MOXD1: variants seen among roughly 807,000 people sequenced by gnomAD.
The protein encoded by MOXD1 is monooxygenase DBH like 1, also known as DBH-like monooxygenase protein 1.
Under a neutral mutation model 66.6 loss-of-function variants are expected in MOXD1, and 62 were observed. The ratio of observed to expected loss-of-function variants is 0.93; its 90% confidence interval spans 0.76 to 1.15. The LOEUF is 1.15. MOXD1 is among the 50% of genes most tolerant of loss of function. The pLI is 0.00. For synonymous variants in MOXD1, 303 were observed against 281.9 expected, an observed-to-expected ratio of 1.07 and a Z score of -0.75; for missense variants, 847 against 754.6, an observed-to-expected ratio of 1.12 and a Z score of -1.44.
At chr6:132,375,902 T>C (rs1306927641) in intron 1 of MOXD1, among the ~76,000 whole-genome samples, 7 of 152,230 alleles carry the variant, frequency 4.6e-5, no homozygotes, top group African/African-American at 1.4e-4. Context: ...ACCTATTTTA[T>C]AGATTTTGAA....
chr6:132,320,785 T>C (rs751470863), intron 8 of MOXD1, 97 bp from the exon 9 acceptor site: 1 of 981,570 alleles, frequency 1.0e-6, no homozygotes, highest in Non-Finnish European at 1.5e-6. Flanking sequence ...GCTGTATGAA[T>C]GGATGCGCCA....
chr6:132,341,160 A>G (rs1775553496), intron 4 of MOXD1, among the ~76,000 whole-genome samples: 2 of 152,192 alleles, frequency 1.3e-5, no homozygotes, highest in African/African-American at 2.4e-5. Flanking sequence ...ATTAAGAGGT[A>G]GGGTCTTTAA....
chr6:132,382,676 C>T (rs1336178755), intron 1 of MOXD1, among the ~76,000 whole-genome samples: 1 of 152,154 alleles, frequency 6.6e-6, no homozygotes, highest in Non-Finnish European at 1.5e-5. Flanking sequence ...CTTTTGAACA[C>T]TTCGTGCTTT....
At chr6:132,326,889 T>G (rs1473088690) in intron 6 of MOXD1, among the ~76,000 whole-genome samples, 4 of 152,220 alleles carry the variant, frequency 2.6e-5, no homozygotes, top group African/African-American at 9.6e-5. Flanking sequence ...ACGTGTCCTC[T>G]CTTCAAAATC....
intron 1 of MOXD1, among the ~76,000 whole-genome samples, chr6:132,394,010 C>T (rs1391010437): frequency 6.6e-6 from 1 of 152,210 alleles, no homozygotes; most frequent in Admixed American, 6.5e-5. Context: ...TACCCAGAAG[C>T]ATGATAACCT....
intron 4 of MOXD1, among the ~76,000 whole-genome samples, chr6:132,349,676 T>C (rs1775764446): frequency 1.3e-5 from 2 of 151,824 alleles, no homozygotes; most frequent in African/African-American, 4.8e-5. Flanking sequence ...GTTCTACTTT[T>C]AGTTCTTTAA....
At chr6:132,335,886 G>GT (rs1008981725) in intron 4 of MOXD1, among the ~76,000 whole-genome samples, 3 of 152,180 alleles carry the variant, frequency 2.0e-5, no homozygotes, top group South Asian at 2.1e-4. Context: ...AGCTAAATAG[G>GT]TTTTTTTATT....
In MOXD1 at chr6:132,297,788, G is replaced by A. The variant is rs748046713; in HGVS notation, c.1676C>T (p.Ser559Leu). 1.0e-4 allele frequency: 162 copies of A among 1,592,110 alleles called. No homozygotes were observed. Among genetic ancestry groups the A allele is most frequent in the Admixed American group, 2.8e-4 (15 of 54,108 alleles). ...TGTCAGAGGTTAAAAAGAGCTTACC[G>A]ACCACTCAGCATTGTCTGTCTTGGA... ...RCSKTDNAEW[S>L]IQGMTALPPD... is the part of the protein sequence containing the mutation. Residue 559 changes from serine (S) to leucine (L), a missense_variant and splice_region_variant, in exon 11 of 12, where the codon TCG (serine) becomes TTG (leucine). Physicochemically the swap from Ser to Leu is moderately radical, Grantham distance 145. Coordinates refer to ENST00000367963, the MANE Select transcript of MOXD1 (RefSeq NM_015529.4).
Position 132,328,581 on chromosome 6 carries a change from A to G in MOXD1, c.677T>C (p.Ile226Thr). ...KHHVIKVEPV[I>T]QRGHESLVHH... ...CACCAGACTCTCATGGCCTCTCTGT[A>G]TCACTGGCTCAACCTACACGAACAT... The change falls in exon 5 of 12, where the codon ATA becomes ACA. Residue 226 changes from isoleucine (I) to threonine (T), a missense_variant. Ile to Thr is a moderately conservative substitution (Grantham distance 89). Coordinates refer to ENST00000367963, the MANE Select transcript of MOXD1 (RefSeq NM_015529.4). The G allele has an allele frequency of 6.2e-7, 1 of 1,614,044 alleles. No individual in the cohort carries two copies.
intron 4 of MOXD1, among the ~76,000 whole-genome samples, chr6:132,344,587 C>A (rs191165632): frequency 6.6e-6 from 1 of 152,166 alleles, no homozygotes; most frequent in East Asian, 1.9e-4. Flanking sequence ...TCCCATTTGG[C>A]GCACATTCCT....
rs145813414 is a variant in MOXD1, at chr6:132,390,856, T to C, written c.264+10307A>G. The C allele has an allele frequency of 4.6e-5, 7 of 151,710 alleles. No individual in the cohort carries two copies. The East Asian group carries it at 1.2e-3, about 25-fold the overall frequency. 9.4% of individuals were successfully genotyped at this position (151,710 alleles called of 1,614,324 possible). ...ATAAAAATCATATTATGGAAATGTG[T>C]CAGTGTGCCATTTATAGTGGAATAA... On this transcript the variant is annotated intron_variant, in intron 1 of 11. Transcript: ENST00000367963.
chr6:132,322,834 AC>A lies in MOXD1; in HGVS notation c.1149del (p.Phe384LeufsTer25). On this transcript the variant is annotated frameshift_variant, in exon 8 of 12. Transcript: ENST00000367963. LOFTEE classifies it high-confidence loss of function. Reference protein sequence around the residue: ...LEAEKPSGIHVFAVLLHAHLA... With the variant: ...LEAEKPSGIHXFAVLLHAHLA... ...AGGTGAGCATGGAGAAGAACAGCAAACACATGAATTCCACTTGGCTTTTCGG... is the reference window on the plus strand; with the variant it reads ...AGGTGAGCATGGAGAAGAACAGCAAAACATGAATTCCACTTGGCTTTTCGG... 6.2e-7 allele frequency: 1 copy of A among 1,613,842 alleles called. No individual in the cohort carries two copies.
At chr6:132,399,678 T>C (rs543159788) in intron 1 of MOXD1, among the ~76,000 whole-genome samples, 2 of 152,372 alleles carry the variant, frequency 1.3e-5, no homozygotes, top group African/African-American at 4.8e-5. Context: ...TGTCCCATTT[T>C]ATAATATTAG....
In MOXD1 at chr6:132,297,160, C is replaced by T. The variant is rs780627865; in HGVS notation, c.1835G>A (p.Ser612Asn). 2 of 1,612,928 alleles carry T rather than the reference C, an allele frequency of 1.2e-6. No individual in the cohort carries two copies. Among genetic ancestry groups the T allele is most frequent in the Non-Finnish European group, 1.7e-6 (2 of 1,179,410 alleles). The change falls in exon 12 of 12, where the codon AGC becomes AAC. Residue 612 changes from serine to asparagine, a missense_variant. Physicochemically the swap from Ser to Asn is conservative, Grantham distance 46. Coordinates refer to ENST00000367963, the MANE Select transcript of MOXD1 (RefSeq NM_015529.4). ...LLLSCTLSTK[S>N]L ...AGTCCAACAGAATTTTGATCACAAGCTCTTGGTGCTCAGCGTGCAGCTGAG... is the reference window on the plus strand; with the variant it reads ...AGTCCAACAGAATTTTGATCACAAGTTCTTGGTGCTCAGCGTGCAGCTGAG...
chr6:132,306,620 A>C (rs1181091077), intron 10 of MOXD1, among the ~76,000 whole-genome samples: 1 of 152,196 alleles, frequency 6.6e-6, no homozygotes, highest in African/African-American at 2.4e-5. Context: ...GAGAAAGGCC[A>C]GGTCACCTAC....
intron 4 of MOXD1, among the ~76,000 whole-genome samples, chr6:132,340,642 T>C (rs926959980): frequency 0.031 from 2,614 of 83,364 alleles, 364 homozygotes; most frequent in African/African-American, 0.14. Context: ...AGACTCATTT[T>C]TTTTTTTTTT....
At position 132,315,643 on chromosome 6, in the gene MOXD1, T is replaced by C. The variant is rs1049363986; in HGVS notation, c.1500A>G (p.Arg500=). 13 of 1,611,002 alleles carry C rather than the reference T, an allele frequency of 8.1e-6. No individual in the cohort carries two copies. Among genetic ancestry groups the C allele is most frequent in the Non-Finnish European group, 1.1e-5 (13 of 1,179,048 alleles). The change falls in exon 10 of 12, where the codon AGA becomes AGG. Residue 500 remains arginine (R), a synonymous_variant. Transcript: ENST00000367963. ...ATACATTTACTACTTACGTGACTGG[T>C]CTGTAGATCTCCTTAACCCCAATGA... ...LQFIGVKEIY[R]PVTTWPFIIK...
intron 4 of MOXD1, among the ~76,000 whole-genome samples, chr6:132,349,706 C>A: frequency 6.6e-6 from 1 of 151,796 alleles, no homozygotes; most frequent in East Asian, 1.9e-4. Context: ...ACACTGTTTG[C>A]CATAGTGGCC....
In MOXD1 at chr6:132,349,425, A is replaced by G. The variant is rs1309977736; in HGVS notation, c.664-20831T>C. On this transcript the variant is annotated intron_variant, in intron 4 of 11. Transcript: ENST00000367963. ...TATATACATATATATATATATACAT[A>G]TATATATATACATATATATATATAT... Among the ~76,000 whole-genome samples the G allele has an allele frequency of 2.9e-4, 21 of 72,516 alleles. 3 individuals carry two copies. Among genetic ancestry groups the G allele is most frequent in the African/African-American group, 6.4e-4 (5 of 7,824 alleles). The allele number at this position is 72,516 out of a possible 152,430, so 47.6% of individuals were successfully genotyped here.
Sources: allele counts gnomAD v4.1 joint callset (sites outside exome capture counted in the v4.1 genomes callset), GRCh38; gene constraint gnomAD v4.1.1; transcripts MANE v1.5; gene names NCBI Gene and HGNC (gene_info 2026-07-23, HGNC 2026-07-21).